NRXN3: variants seen among roughly 807,000 people sequenced by gnomAD.
NRXN3 encodes the protein neurexin III.
In NRXN3, 32 loss-of-function variants were observed where a neutral mutation model predicts 137.6. The observed-to-expected ratio is 0.23, with a 90% CI of 0.18 to 0.31. NRXN3 has a LOEUF of 0.31. NRXN3 is among the 10% of genes least tolerant of loss of function. NRXN3 has a pLI of 1.00. For missense variants in NRXN3, 1,574 were observed against 2,062.5 expected (o/e 0.76, Z 4.59); for synonymous variants, 798 against 784.5 (o/e 1.02, Z -0.29).
chr14:78,795,298 T>C (rs1469349891), intron 8 of NRXN3, among the ~76,000 whole-genome samples: 1 of 152,228 alleles, frequency 6.6e-6, no homozygotes. Flanking sequence ...TCTTTCTCCC[T>C]GGATTGCTCC....
At chr14:79,333,327 C>A (rs1435367329) in intron 15 of NRXN3, among the ~76,000 whole-genome samples, 1 of 152,152 alleles carries the variant, frequency 6.6e-6, no homozygotes, top group Non-Finnish European at 1.5e-5. Context: ...TGGTGTGGCT[C>A]GTTCTGCTAC....
intron 16 of NRXN3, among the ~76,000 whole-genome samples, chr14:79,533,335 A>C (rs924466065): frequency 2.6e-5 from 4 of 152,122 alleles, no homozygotes; most frequent in African/African-American, 7.2e-5. Flanking sequence ...GATGAAGGTG[A>C]AGTTCTCAGC....
intron 16 of NRXN3, among the ~76,000 whole-genome samples, chr14:79,507,424 A>T: frequency 6.6e-6 from 1 of 152,242 alleles, no homozygotes; most frequent in East Asian, 1.9e-4. Flanking sequence ...GGTAGCAAAC[A>T]TACAAACAAA....
chr14:78,886,196 A>T (rs2099143150), intron 10 of NRXN3, among the ~76,000 whole-genome samples: 1 of 152,136 alleles, frequency 6.6e-6, no homozygotes, highest in Admixed American at 6.6e-5. Flanking sequence ...ACAGTAAATG[A>T]TCTGTGTCAT....
intron 15 of NRXN3, among the ~76,000 whole-genome samples, chr14:79,015,132 CT>C (rs1423235176): frequency 6.6e-6 from 1 of 152,106 alleles, no homozygotes; most frequent in African/African-American, 2.4e-5. Flanking sequence ...TTGAATCAAT[CT>C]CTGGACCTCT....
chr14:79,199,983 A>G (rs2065733167), intron 15 of NRXN3: 1 of 152,242 alleles, frequency 6.6e-6, no homozygotes, highest in South Asian at 2.1e-4. Flanking sequence ...GTGCTATATA[A>G]TAGAACAAGA....
At chr14:78,923,475 T>A (rs1216240993) in intron 10 of NRXN3, among the ~76,000 whole-genome samples, 2 of 152,232 alleles carry the variant, frequency 1.3e-5, no homozygotes, top group East Asian at 3.8e-4. Flanking sequence ...CACCTTTTAG[T>A]GGCATCACAG....
intron 4 of NRXN3, among the ~76,000 whole-genome samples, chr14:78,410,261 A>G (rs950576973): frequency 6.6e-6 from 1 of 152,224 alleles, no homozygotes; most frequent in Non-Finnish European, 1.5e-5. Flanking sequence ...TTTACGCTGG[A>G]GAATGGTAGT....
chr14:78,809,870 T>G (rs1380111455), intron 9 of NRXN3, among the ~76,000 whole-genome samples: 1 of 152,164 alleles, frequency 6.6e-6, no homozygotes, highest in Non-Finnish European at 1.5e-5. Context: ...AATGCTACTT[T>G]AAAAACGAAT....
intron 4 of NRXN3, among the ~76,000 whole-genome samples, chr14:78,543,458 A>G (rs963875805): frequency 6.6e-6 from 1 of 152,084 alleles, no homozygotes; most frequent in Non-Finnish European, 1.5e-5. Flanking sequence ...AATCATATCA[A>G]TTGCAATAAT....
intron 20 of NRXN3, among the ~76,000 whole-genome samples, chr14:79,824,753 G>A (rs1568372092): frequency 6.6e-6 from 1 of 152,144 alleles, no homozygotes; most frequent in East Asian, 1.9e-4. Flanking sequence ...TTTGTTTTCT[G>A]AGACTTCTTT....
At chr14:78,500,061 C>T (rs1009703740) in intron 4 of NRXN3, among the ~76,000 whole-genome samples, 19 of 152,130 alleles carry the variant, frequency 1.2e-4, no homozygotes, top group Admixed American at 9.2e-4. Flanking sequence ...TTGAGGCTAT[C>T]GTAGTCTGCC....
At chr14:79,266,456 T>C (rs1034957371) in intron 15 of NRXN3, among the ~76,000 whole-genome samples, 2 of 152,184 alleles carry the variant, frequency 1.3e-5, no homozygotes, top group Non-Finnish European at 2.9e-5. Flanking sequence ...TTATTGATCA[T>C]ATCAGACTTC....
At chr14:78,754,290 C>A (rs1350535065) in intron 8 of NRXN3, among the ~76,000 whole-genome samples, 1 of 152,120 alleles carries the variant, frequency 6.6e-6, no homozygotes, top group Admixed American at 6.5e-5. Flanking sequence ...GGTGGGGTTA[C>A]AAGGCTCTGT....
At chr14:78,707,653 C>G (rs8022750) in intron 6 of NRXN3, among the ~76,000 whole-genome samples, 48,298 of 151,978 alleles carry the variant, frequency 0.32, 9,461 homozygotes, top group African/African-American at 0.56. Context: ...GTGCACTCAT[C>G]ACCCAAGCAG....
chr14:79,302,661 C>T (rs547122832), intron 15 of NRXN3, among the ~76,000 whole-genome samples: 1 of 151,956 alleles, frequency 6.6e-6, no homozygotes, highest in East Asian at 2.0e-4. Flanking sequence ...TTTCCCCCAT[C>T]CTGTTCTCAT....
At chr14:78,722,944 A>T (rs892998980) in intron 8 of NRXN3, among the ~76,000 whole-genome samples, 1 of 152,174 alleles carries the variant, frequency 6.6e-6, no homozygotes, top group African/African-American at 2.4e-5. Context: ...AGGGGAAAAA[A>T]AATTCCAGGC....
chr14:79,525,971 C>T (rs2097114828), intron 16 of NRXN3, among the ~76,000 whole-genome samples: 1 of 151,960 alleles, frequency 6.6e-6, no homozygotes, highest in Non-Finnish European at 1.5e-5. Flanking sequence ...AGCTTCTGAC[C>T]CCTGGGCTCA....
At chr14:78,850,286 C>T (rs2099039100) in intron 10 of NRXN3, among the ~76,000 whole-genome samples, 1 of 152,058 alleles carries the variant, frequency 6.6e-6, no homozygotes, top group African/African-American at 2.4e-5. Context: ...ACAGAACTCA[C>T]CCAAGGTTAT....
Sources: gnomAD v4.1 joint callset for allele counts (sites outside exome capture counted in the v4.1 genomes callset) on GRCh38, gnomAD v4.1.1 for gene constraint, MANE v1.5 for transcripts, NCBI Gene and HGNC (gene_info 2026-07-23, HGNC 2026-07-21) for gene names.